Variants in DIP2C observed in about 807,000 individuals in gnomAD.
DIP2C encodes the protein DIP2 acetate--CoA ligase C (putative).
In DIP2C, 33 loss-of-function variants were observed where a neutral mutation model predicts 192.4. The ratio of observed to expected loss-of-function variants is 0.17; its 90% CI spans 0.13 to 0.23. The LOEUF (loss-of-function observed/expected upper bound fraction) is 0.23. Ranked by LOEUF, DIP2C falls within the 10% of genes least tolerant of loss-of-function variation. DIP2C has a pLI of 1.00. For synonymous variants in DIP2C, 979 were observed against 864.1 expected, an observed-to-expected ratio of 1.13 and a Z score of -2.33; for missense variants, 1,537 against 2,110.1, an observed-to-expected ratio of 0.73 and a Z score of 5.32.
intron 28 of DIP2C, among the ~76,000 whole-genome samples, chr10:342,529 G>C (rs972782133): frequency 6.6e-6 from 1 of 152,162 alleles, no homozygotes; most frequent in East Asian, 1.9e-4. Flanking sequence ...TCTGCTGGTC[G>C]AGGCCCTGTC....
At chr10:537,242 G>A (rs1847741591) in intron 1 of DIP2C, among the ~76,000 whole-genome samples, 1 of 152,090 alleles carries the variant, frequency 6.6e-6, no homozygotes, top group African/African-American at 2.4e-5. Context: ...TATGAAGGAG[G>A]CAGTGGGATC....
At chr10:329,633 AGCTCAGCAAGGCT>A in intron 29 of DIP2C, 32 bp from the exon 30 acceptor site, 4 of 439,796 alleles carry the variant, frequency 9.1e-6, no homozygotes, top group Non-Finnish European at 1.5e-5. Flanking sequence ...TCAGGGCGGG[AGCTCAGCAAGGCT>A]GGAGCTCAGC....
intron 2 of DIP2C, among the ~76,000 whole-genome samples, 179 bp from the exon 3 acceptor site, chr10:472,728 C>T (rs1182950704): frequency 6.6e-6 from 1 of 152,172 alleles, no homozygotes; most frequent in East Asian, 1.9e-4. Flanking sequence ...GCTCTCCCAC[C>T]GCCAGGGAGA....
chr10:602,686 G>A (rs548361572), intron 1 of DIP2C, among the ~76,000 whole-genome samples: 3 of 152,320 alleles, frequency 2.0e-5, no homozygotes, highest in African/African-American at 7.2e-5. Flanking sequence ...AGACAGTCAT[G>A]TTACAACATT....
chr10:419,909 G>A (rs776539785), intron 5 of DIP2C, among the ~76,000 whole-genome samples: 16 of 152,202 alleles, frequency 1.1e-4, no homozygotes, highest in South Asian at 2.1e-4. Context: ...TAAGCCGTAC[G>A]TGGCTGAATG....
intron 2 of DIP2C, among the ~76,000 whole-genome samples, chr10:480,096 T>G (rs570401568): frequency 6.7e-6 from 1 of 148,786 alleles, no homozygotes; most frequent in East Asian, 2.0e-4. Flanking sequence ...TGAGCTCCGG[T>G]CCACGCTCAC....
chr10:524,983 AG>A (rs1846968336), intron 1 of DIP2C, among the ~76,000 whole-genome samples: 1 of 151,362 alleles, frequency 6.6e-6, no homozygotes, highest in African/African-American at 2.4e-5. Flanking sequence ...AAAAAAAAAA[AG>A]AATCACATTT....
At chr10:595,688 T>C (rs1404955467) in intron 1 of DIP2C, among the ~76,000 whole-genome samples, 1 of 152,186 alleles carries the variant, frequency 6.6e-6, no homozygotes, top group Non-Finnish European at 1.5e-5. Context: ...AATCCACGCG[T>C]CCGCAGGACC....
At chr10:595,904 A>T (rs1312111456) in intron 1 of DIP2C, among the ~76,000 whole-genome samples, 1 of 151,548 alleles carries the variant, frequency 6.6e-6, no homozygotes, top group Non-Finnish European at 1.5e-5. Context: ...GATGGTTAAC[A>T]AACTAACTGT....
At chr10:369,867 C>G (rs1360451946) in intron 17 of DIP2C, 4 of 1,370,058 alleles carry the variant, frequency 2.9e-6, no homozygotes, top group Non-Finnish European at 3.9e-6. Flanking sequence ...CCAAGAACAC[C>G]CGTAAACTAC....
intron 1 of DIP2C, among the ~76,000 whole-genome samples, chr10:624,041 T>A (rs1470894181): frequency 2.6e-5 from 4 of 152,254 alleles, no homozygotes; most frequent in African/African-American, 4.8e-5. Flanking sequence ...ACCGCCACCC[T>A]GCTCCTTCTC....
intron 22 of DIP2C, among the ~76,000 whole-genome samples, chr10:359,848 T>C (rs1959232477): frequency 6.6e-6 from 1 of 152,198 alleles, no homozygotes; most frequent in South Asian, 2.1e-4. Flanking sequence ...CTCGAAGTCC[T>C]GGGCTCCACT....
intron 1 of DIP2C, among the ~76,000 whole-genome samples, chr10:524,966 T>TAAAAAAAAAAAAAAA (rs1564818283): frequency 3.7e-5 from 1 of 26,746 alleles, no homozygotes; most frequent in Non-Finnish European, 5.9e-5. Flanking sequence ...AATCACAATT[T>TAAAAAAAAAAAAAAA]CAAAAAAAAA....
chr10:627,135 G>A (rs1854253529), intron 1 of DIP2C, among the ~76,000 whole-genome samples: 1 of 152,252 alleles, frequency 6.6e-6, no homozygotes, highest in African/African-American at 2.4e-5. Flanking sequence ...CGCACACGCA[G>A]TGGCTCTGTA....
intron 1 of DIP2C, among the ~76,000 whole-genome samples, chr10:523,008 T>TGA (rs1846806838): frequency 6.6e-6 from 1 of 152,072 alleles, no homozygotes; most frequent in Non-Finnish European, 1.5e-5. Context: ...GGACTCTGTG[T>TGA]GACACATACA....
chr10:552,493 A>G (rs1402665109), intron 1 of DIP2C, among the ~76,000 whole-genome samples: 1 of 152,222 alleles, frequency 6.6e-6, no homozygotes, highest in Non-Finnish European at 1.5e-5. Context: ...ACTAAGTATT[A>G]AATATTCAAA....
rs533675428 is a variant in DIP2C at position 383,459 on chromosome 10, G to A, written c.1876+568C>T. On this transcript the variant is annotated intron_variant, in intron 16 of 36. Coordinates refer to ENST00000280886, the MANE Select transcript of DIP2C (RefSeq NM_014974.3). Reference sequence around the variant, plus strand: ...TGCTAGCTAGGTTCTTGTTTCAGTTGGCTGAAATATTTCTCAAGGTGTATT... The same window carrying A: ...TGCTAGCTAGGTTCTTGTTTCAGTTAGCTGAAATATTTCTCAAGGTGTATT... Among the ~76,000 whole-genome samples, 6 of 152,228 alleles carry A rather than the reference G, an allele frequency of 3.9e-5. No homozygotes were observed. The South Asian group carries it at 1.2e-3, about 32-fold the overall frequency.
intron 29 of DIP2C, among the ~76,000 whole-genome samples, chr10:334,667 G>A (rs1957671165): frequency 6.6e-6 from 1 of 152,120 alleles, no homozygotes; most frequent in African/African-American, 2.4e-5. Context: ...GAATTTCCCA[G>A]CATCTGTTGT....
chr10:598,550 C>G (rs978373872), intron 1 of DIP2C, among the ~76,000 whole-genome samples: 9 of 151,694 alleles, frequency 5.9e-5, no homozygotes, highest in Non-Finnish European at 8.8e-5. Flanking sequence ...CTCCTCCCCC[C>G]ACAGCTCCTC....
Sources: allele counts gnomAD v4.1 joint callset (sites outside exome capture counted in the v4.1 genomes callset), GRCh38; gene constraint gnomAD v4.1.1; transcripts MANE v1.5; gene names NCBI Gene and HGNC (gene_info 2026-07-23, HGNC 2026-07-21).